POLR1A: variants seen among roughly 807,000 people sequenced by gnomAD.
POLR1A encodes the protein DNA-directed RNA polymerase I subunit RPA1.
In POLR1A, 84 loss-of-function variants were observed where a neutral mutation model predicts 205.3. That is an observed-to-expected ratio of 0.41 (90% CI 0.34 to 0.49). POLR1A has a LOEUF of 0.49. Among genes scored for constraint, POLR1A ranks in the 20% least tolerant of loss-of-function variants. The probability of loss-of-function intolerance (pLI) is 0.22; values close to 1 mark genes in which losing one functional copy is unlikely to be tolerated. For synonymous variants in POLR1A, 799 were observed against 863.7 expected, an observed-to-expected ratio of 0.93 and a Z score of 1.31; for missense variants, 1,645 against 2,204.5, an observed-to-expected ratio of 0.75 and a Z score of 5.08.
At chr2:86,042,851 C>G in intron 23 of POLR1A, 123 bp downstream of exon 23, 1 of 741,642 alleles carries the variant, frequency 1.3e-6, no homozygotes, top group East Asian at 2.5e-5. Context: ...TCTGTTCTGA[C>G]TGACGGTGAA....
At chr2:86,073,294 T>A (rs1673213319) in intron 12 of POLR1A, among the ~76,000 whole-genome samples, 1 of 152,130 alleles carries the variant, frequency 6.6e-6, no homozygotes, top group African/African-American at 2.4e-5. Context: ...AAATAAAGTT[T>A]GATTGGAACA....
Position 86,038,714 on chromosome 2 carries a change from G to A in POLR1A, c.4020C>T (p.Arg1340=), listed in dbSNP as rs1672543473. ...TGAGCCCTGACCTTGTTTCCATGAA[G>A]CGCAGGATGTCCTCGGGTCTCAGGC... ...EKCLRPEDIL[R]FMETRFFKLL... The change falls in exon 27 of 34, where the codon CGC becomes CGT. Residue 1340 remains arginine, a synonymous_variant. Transcript: ENST00000263857. 1.9e-6 allele frequency: 3 copies of A among 1,613,680 alleles called. No individual in the cohort carries two copies. The highest frequency in any genetic ancestry group is 1.1e-5 in the South Asian group (1 of 91,066).
At chr2:86,090,598 A>G (rs1288004929) in intron 3 of POLR1A, among the ~76,000 whole-genome samples, 2 of 152,216 alleles carry the variant, frequency 1.3e-5, no homozygotes, top group Non-Finnish European at 2.9e-5. Flanking sequence ...ATGAAAGAGC[A>G]TGCAGCCACA....
intron 12 of POLR1A, among the ~76,000 whole-genome samples, chr2:86,073,215 A>ACC (rs1239342626): frequency 7.1e-6 from 1 of 141,268 alleles, no homozygotes; most frequent in Non-Finnish European, 1.5e-5. Flanking sequence ...AAATAAAATA[A>ACC]AAAAAAAAAA....
intron 31 of POLR1A, among the ~76,000 whole-genome samples, chr2:86,029,599 CT>C (rs35348861): frequency 7.4e-4 from 102 of 137,622 alleles, no homozygotes; most frequent in East Asian, 1.1e-3. Flanking sequence ...TAATTTCTTT[CT>C]TTTTTTTTTT....
chr2:86,030,605 C>T (rs1290576499), intron 30 of POLR1A, among the ~76,000 whole-genome samples: 2 of 152,148 alleles, frequency 1.3e-5, no homozygotes, highest in African/African-American at 2.4e-5. Context: ...CAGGGGGAAA[C>T]AGTGGGGTTG....
At chr2:86,081,390 C>T (rs1673398861) in intron 8 of POLR1A, among the ~76,000 whole-genome samples, 2 of 151,990 alleles carry the variant, frequency 1.3e-5, no homozygotes, top group East Asian at 3.9e-4. Flanking sequence ...TGCAAGACTC[C>T]ACTTCAAAAC....
intron 14 of POLR1A, among the ~76,000 whole-genome samples, chr2:86,064,345 G>C (rs771142055): frequency 2.2e-4 from 34 of 152,154 alleles, no homozygotes; most frequent in Non-Finnish European, 4.6e-4. Context: ...AGATCACATA[G>C]CCAATTAGAA....
chr2:86,042,033 G>A lies in POLR1A; in HGVS notation c.3428C>T (p.Pro1143Leu). Reference sequence around the variant, plus strand: ...ACGCCAGACAGACAGACTGGGGTCAGGACAAGCGGCCGCCTTCTTCTGGTA... The same window carrying A: ...ACGCCAGACAGACAGACTGGGGTCAAGACAAGCGGCCGCCTTCTTCTGGTA... ...RKYQKKAAACPDPSLSVWRPD... is the reference protein window; with the variant it reads ...RKYQKKAAACLDPSLSVWRPD... Residue 1143 changes from proline to leucine, a missense_variant, in exon 24 of 34, where the codon CCT becomes CTT. Transcript: ENST00000263857. 1 of 1,613,968 alleles carries A rather than the reference G, an allele frequency of 6.2e-7. No homozygotes were observed. The highest frequency in any genetic ancestry group is 8.5e-7 in the Non-Finnish European group (1 of 1,179,998).
At chr2:86,082,058 A>G (rs1166633844) in intron 7 of POLR1A, among the ~76,000 whole-genome samples, 1 of 151,422 alleles carries the variant, frequency 6.6e-6, no homozygotes, top group Non-Finnish European at 1.5e-5. Context: ...CTGGTCTCGA[A>G]CTCCTGGGCT....
In POLR1A at chr2:86,054,260, G is replaced by C; in HGVS notation, c.2088C>G (p.Ile696Met). ...AGTTCAGTGGGATGTGGTCCTCTGG[G>C]ATTATATTTATGAGCAGCGTTGACA... ...QVVSTLLINI[I>M]PEDHIPLNLS... The change falls in exon 15 of 34, where the codon ATC becomes ATG. Residue 696 changes from isoleucine to methionine, a missense_variant. Physicochemically the swap from Ile to Met is conservative, Grantham distance 10 (BLOSUM62 1). This residue lies in a region of POLR1A where 339 missense variants were observed against 415.1 expected (regional missense o/e 0.82). Transcript: ENST00000263857. The C allele has an allele frequency of 6.2e-7, 1 of 1,614,016 alleles. No homozygotes were observed. Among genetic ancestry groups the C allele is most frequent in the Non-Finnish European group, 8.5e-7 (1 of 1,179,940 alleles).
intron 14 of POLR1A, among the ~76,000 whole-genome samples, chr2:86,057,203 A>T (rs1052307638): frequency 4.6e-5 from 7 of 152,206 alleles, no homozygotes; most frequent in African/African-American, 1.7e-4. Context: ...CCAACCCTTA[A>T]GTATGACTTT....
Position 86,033,922 on chromosome 2 carries a change from A to G in POLR1A, c.4035-135T>C, listed in dbSNP as rs141674877. 2,107 of 1,081,828 alleles carry G rather than the reference A, an allele frequency of 1.9e-3. 24 individuals carry two copies. In the African/African-American group the frequency reaches 0.029, roughly 15 times the overall value. 67.0% of individuals were successfully genotyped at this position (1,081,828 alleles called of 1,614,324 possible). ...GATGGAGGCCCAGCCTCTCCTAGCC[A>G]CTCACTTGTCCCTACCCGCTGTTTT... On this transcript the variant is annotated intron_variant, in intron 27 of 33. Coordinates refer to ENST00000263857, the MANE Select transcript of POLR1A (RefSeq NM_015425.6).
At chr2:86,040,747 A>G (rs930218981) in intron 24 of POLR1A, among the ~76,000 whole-genome samples, 188 bp from the exon 25 acceptor site, 7 of 152,114 alleles carry the variant, frequency 4.6e-5, no homozygotes, top group Non-Finnish European at 1.0e-4. Flanking sequence ...TCCTCAAATT[A>G]CACAGCACAG....
intron 12 of POLR1A, among the ~76,000 whole-genome samples, chr2:86,074,769 G>A (rs184431898): frequency 6.5e-4 from 99 of 152,292 alleles, no homozygotes; most frequent in Non-Finnish European, 1.1e-3. Context: ...AGAGGTGGGG[G>A]GATGTGCATT....
intron 13 of POLR1A, among the ~76,000 whole-genome samples, chr2:86,067,378 T>C (rs529549145): frequency 6.6e-6 from 1 of 152,314 alleles, no homozygotes; most frequent in South Asian, 2.1e-4. Context: ...TCAGGAAACA[T>C]ATCTGAAGCC....
intron 16 of POLR1A, 150 bp downstream of exon 16, chr2:86,052,667 A>G: frequency 1.8e-6 from 1 of 564,904 alleles, no homozygotes; most frequent in Non-Finnish European, 3.0e-6. Flanking sequence ...AGCGTGGTGC[A>G]CTGGGGACCT....
intron 24 of POLR1A, among the ~76,000 whole-genome samples, chr2:86,041,200 G>A (rs1275216629): frequency 1.6e-5 from 2 of 127,120 alleles, no homozygotes; most frequent in Non-Finnish European, 3.4e-5. Flanking sequence ...TGCGCGCTGA[G>A]CTACAGTGTC....
At chr2:86,064,009 T>C (rs779731400) in intron 14 of POLR1A, among the ~76,000 whole-genome samples, 5 of 152,248 alleles carry the variant, frequency 3.3e-5, no homozygotes, top group Non-Finnish European at 5.9e-5. Flanking sequence ...TTTCCAAATA[T>C]CTTGGTTGCT....
Sources: gnomAD v4.1 joint callset for allele counts (sites outside exome capture counted in the v4.1 genomes callset) on GRCh38, gnomAD v4.1.1 for gene constraint, gnomAD v4.1.1 regional missense constraint, MANE v1.5 for transcripts, NCBI Gene and HGNC (gene_info 2026-07-23, HGNC 2026-07-21) for gene names.